The following TMEM163 variants were observed in gnomAD, a reference collection of about 807,000 sequenced individuals.
The protein encoded by TMEM163 is transmembrane protein 163.
A neutral mutation model predicts 29.3 loss-of-function variants in TMEM163; 17 were observed. That is an observed-to-expected ratio of 0.58 (90% CI 0.40 to 0.87). TMEM163 has a LOEUF of 0.87. Among genes scored for constraint, TMEM163 ranks in the 40% least tolerant of loss-of-function variants. The probability of loss-of-function intolerance (pLI) is 0.00; values close to 1 mark genes in which losing one functional copy is unlikely to be tolerated. For missense variants in TMEM163, 303 were observed against 381.5 expected (o/e 0.79, Z 1.71); for synonymous variants, 157 against 160.6 (o/e 0.98, Z 0.17).
At chr2:134,492,050 G>T (rs1252532398) in intron 5 of TMEM163, among the ~76,000 whole-genome samples, 30 of 152,198 alleles carry the variant, frequency 2.0e-4, no homozygotes, top group Admixed American at 2.0e-3. Flanking sequence ...CATGAGATCG[G>T]CCGTGGTTCA....
At chr2:134,591,001 C>T (rs1424455220) in intron 2 of TMEM163, among the ~76,000 whole-genome samples, 1 of 152,162 alleles carries the variant, frequency 6.6e-6, no homozygotes, top group East Asian at 1.9e-4. Flanking sequence ...CATTCCCTGA[C>T]ACATGTGCAG....
At chr2:134,551,422 T>C (rs1290674596) in intron 3 of TMEM163, among the ~76,000 whole-genome samples, 1 of 152,162 alleles carries the variant, frequency 6.6e-6, no homozygotes, top group East Asian at 1.9e-4. Flanking sequence ...ATACCGACCC[T>C]TGGGTACAGG....
chr2:134,691,827 T>C (rs1324239547), intron 2 of TMEM163, among the ~76,000 whole-genome samples: 1 of 152,236 alleles, frequency 6.6e-6, no homozygotes, highest in Non-Finnish European at 1.5e-5. Flanking sequence ...TCACACCTTC[T>C]TGAAGTGTTG....
intron 2 of TMEM163, among the ~76,000 whole-genome samples, chr2:134,604,514 G>A (rs1027095953): frequency 6.6e-6 from 1 of 151,776 alleles, no homozygotes; most frequent in African/African-American, 2.4e-5. Context: ...ATAAGGAGGG[G>A]TCTGAAAGGT....
chr2:134,488,202 T>C (rs924400496), intron 5 of TMEM163, among the ~76,000 whole-genome samples: 52 of 152,356 alleles, frequency 3.4e-4, no homozygotes, highest in African/African-American at 1.2e-3. Flanking sequence ...CCTGGGTGTG[T>C]CTGTGAGGGT....
At chr2:134,658,269 G>A (rs1257018671) in intron 2 of TMEM163, among the ~76,000 whole-genome samples, 1 of 151,776 alleles carries the variant, frequency 6.6e-6, no homozygotes, top group African/African-American at 2.4e-5. Flanking sequence ...TCACTGTTCC[G>A]ATTTAACAGC....
chr2:134,572,211 AT>A (rs1260090246), intron 2 of TMEM163, among the ~76,000 whole-genome samples: 1 of 152,198 alleles, frequency 6.6e-6, no homozygotes, highest in Non-Finnish European at 1.5e-5. Context: ...GGTCTCCAGG[AT>A]TGCAGAGAGA....
chr2:134,535,110 T>C (rs1005161960), intron 4 of TMEM163, among the ~76,000 whole-genome samples: 1 of 152,218 alleles, frequency 6.6e-6, no homozygotes, highest in Admixed American at 6.5e-5. Context: ...GAATTACATC[T>C]ATAGAAACAT....
intron 4 of TMEM163, among the ~76,000 whole-genome samples, chr2:134,511,909 C>T (rs1558928688): frequency 2.0e-5 from 3 of 152,128 alleles, no homozygotes; most frequent in Non-Finnish European, 2.9e-5. Flanking sequence ...GGAATATATC[C>T]AGGCAGATAC....
At chr2:134,679,911 G>C (rs909454964) in intron 2 of TMEM163, among the ~76,000 whole-genome samples, 1 of 119,406 alleles carries the variant, frequency 8.4e-6, no homozygotes, top group Admixed American at 1.1e-4. Flanking sequence ...TAACCACACC[G>C]GCTTCCCCAG....
In TMEM163 at chr2:134,633,953, CA is replaced by C. The variant is rs1381510445; in HGVS notation, c.322+79246del. Among the ~76,000 whole-genome samples, 48 of 97,336 alleles carry C rather than the reference CA, an allele frequency of 4.9e-4. 1 individual carries two copies. The highest frequency in any genetic ancestry group is 1.7e-3 in the South Asian group (4 of 2,318). The allele number at this position is 97,336 out of a possible 152,430, so 63.9% of individuals were successfully genotyped here. A position where few individuals can be genotyped will look rare whatever the true frequency, so the allele number is the denominator to read the frequency against. On this transcript the variant is annotated intron_variant, in intron 2 of 7. Transcript: ENST00000281924. ...CTGGGCCACAATAGTGAAACTGTCTCAAAAAAAAAATACATATATATATATA... is the reference window on the plus strand; with the variant it reads ...CTGGGCCACAATAGTGAAACTGTCTCAAAAAAAAATACATATATATATATA...
chr2:134,718,969 A>T lies in TMEM163; in HGVS notation c.-34T>A, dbSNP rs1029290496. On this transcript the variant is annotated 5_prime_UTR_variant, in exon 1 of 8. Coordinates refer to ENST00000281924, the MANE Select transcript of TMEM163 (RefSeq NM_030923.5). The stretch of plus-strand genomic sequence containing the variant: ...GCTGCGGATCCCGGCGGCGGCGACG[A>T]CAAGCGCGGCGGGGACTCGAGTCAG... 1 of 1,020,044 alleles carries T rather than the reference A, an allele frequency of 9.8e-7. No individual in the cohort carries two copies. Among genetic ancestry groups the T allele is most frequent in the Non-Finnish European group, 1.2e-6 (1 of 854,206 alleles). The allele number at this position is 1,020,044 out of a possible 1,614,324, so 63.2% of individuals were successfully genotyped here. A position where few individuals can be genotyped will look rare whatever the true frequency, so the allele number is the denominator to read the frequency against.
chr2:134,711,585 A>ATTCTAATTCTAAAGTG (rs1461185600), intron 2 of TMEM163, among the ~76,000 whole-genome samples: 1 of 152,260 alleles, frequency 6.6e-6, no homozygotes, highest in African/African-American at 2.4e-5. Flanking sequence ...TCACAAAGCA[A>ATTCTAATTCTAAAGTG]CATTCTAATT....
chr2:134,496,942 G>T (rs1022846810), intron 5 of TMEM163, among the ~76,000 whole-genome samples: 1 of 151,940 alleles, frequency 6.6e-6, no homozygotes, highest in Admixed American at 6.5e-5. Context: ...CTGCAGCTCC[G>T]CCTGGAAGTG....
chr2:134,642,462 A>T (rs1372881628), intron 2 of TMEM163, among the ~76,000 whole-genome samples: 1 of 152,152 alleles, frequency 6.6e-6, no homozygotes, highest in African/African-American at 2.4e-5. Context: ...AGACTTCAAT[A>T]CTACTTTCTT....
intron 2 of TMEM163, among the ~76,000 whole-genome samples, chr2:134,558,249 C>T (rs1681091755): frequency 6.6e-6 from 1 of 152,124 alleles, no homozygotes; most frequent in South Asian, 2.1e-4. Flanking sequence ...CAGTGGTGGA[C>T]CAAGAAAGCC....
intron 5 of TMEM163, chr2:134,466,894 G>A (rs914586930): frequency 6.6e-6 from 1 of 152,104 alleles, no homozygotes; most frequent in Non-Finnish European, 1.5e-5. Context: ...CCTGACATTG[G>A]GGCCCATCCA....
chr2:134,656,035 A>G (rs1683599952), intron 2 of TMEM163, among the ~76,000 whole-genome samples: 1 of 145,252 alleles, frequency 6.9e-6, no homozygotes, highest in South Asian at 2.2e-4. Flanking sequence ...GGTGGAGCCT[A>G]CAGAGGCAGG....
intron 2 of TMEM163, among the ~76,000 whole-genome samples, chr2:134,602,346 T>A (rs116315469): frequency 0.015 from 2,210 of 152,286 alleles, 60 homozygotes; most frequent in African/African-American, 0.05. Flanking sequence ...CGCATGCCTG[T>A]CCATGATCTT....
Sources: allele counts gnomAD v4.1 joint callset (sites outside exome capture counted in the v4.1 genomes callset), GRCh38; gene constraint gnomAD v4.1.1; transcripts MANE v1.5; gene names NCBI Gene and HGNC (gene_info 2026-07-23, HGNC 2026-07-21).